RWDD1: variants seen among roughly 807,000 people sequenced by gnomAD.
RWDD1 encodes RWD domain containing 1, also known as RWD domain-containing protein 1.
A neutral mutation model predicts 31.6 loss-of-function variants in RWDD1; 17 were observed. That is an observed-to-expected ratio of 0.54 (90% CI 0.37 to 0.81). The LOEUF (loss-of-function observed/expected upper bound fraction) is 0.81. Among genes scored for constraint, RWDD1 ranks in the 30% least tolerant of loss-of-function variants. RWDD1 has a pLI of 0.00. For synonymous variants in RWDD1, 78 were observed against 94.2 expected, an observed-to-expected ratio of 0.83 and a Z score of 0.99; for missense variants, 204 against 274.5, an observed-to-expected ratio of 0.74 and a Z score of 1.82.
At chr6:116,573,019 T>A in intron 1 of RWDD1, 1 of 983,952 alleles carries the variant, frequency 1.0e-6, no homozygotes, top group Non-Finnish European at 1.2e-6. Context: ...CCCTTCTCTA[T>A]CCTTGCTTAT....
chr6:116,575,272 G>T (rs1774818486), intron 1 of RWDD1, among the ~76,000 whole-genome samples: 1 of 151,982 alleles, frequency 6.6e-6, no homozygotes, highest in African/African-American at 2.4e-5. Context: ...TTTTGGTAGA[G>T]ACTGGGGTCT....
At chr6:116,581,266 T>C (rs1407548178) in intron 2 of RWDD1, among the ~76,000 whole-genome samples, 2 of 152,150 alleles carry the variant, frequency 1.3e-5, no homozygotes, top group Non-Finnish European at 2.9e-5. Context: ...CTTCAAACCA[T>C]TTAAAATTTT....
At chr6:116,573,792 C>T (rs1774789442) in intron 1 of RWDD1, among the ~76,000 whole-genome samples, 1 of 151,466 alleles carries the variant, frequency 6.6e-6, no homozygotes, top group Non-Finnish European at 1.5e-5. Flanking sequence ...TTGGTTAATG[C>T]TCAATACTAT....
rs766365522 is a variant in RWDD1 at position 116,596,675 on chromosome 6, A to T, written c.*3574A>T. 3.3e-5 allele frequency: 5 copies of T among 152,318 alleles called. No individual in the cohort carries two copies. The highest frequency in any genetic ancestry group is 2.1e-4 in the South Asian group (1 of 4,824). The allele number at this position is 152,318 out of a possible 1,614,324, so 9.4% of individuals were successfully genotyped here. A position where few individuals can be genotyped will look rare whatever the true frequency, so the allele number is the denominator to read the frequency against. On this transcript the variant is annotated 3_prime_UTR_variant, in exon 7 of 7. Coordinates refer to ENST00000466444, the MANE Select transcript of RWDD1 (RefSeq NM_015952.4). ...ACCATGGACAGCACAGTAAAAAAAT[A>T]CACAAATTTCTTTTGCAGTTATTGA... is the stretch of plus-strand genomic sequence containing the variant.
At chr6:116,581,706 T>A (rs77725189) in intron 2 of RWDD1, among the ~76,000 whole-genome samples, 2 of 152,014 alleles carry the variant, frequency 1.3e-5, no homozygotes, top group Admixed American at 1.3e-4. Context: ...CAGCAAATTA[T>A]TAGTATTGGA....
intron 4 of RWDD1, 37 bp downstream of exon 4, chr6:116,589,022 T>G: frequency 8.1e-7 from 1 of 1,227,152 alleles, no homozygotes; most frequent in Admixed American, 4.1e-5. Flanking sequence ...TATTATTTCT[T>G]AAATCAGTTT....
rs1434901151 is a variant in RWDD1, at chr6:116,597,647, G to C, written c.*4546G>C. ...AGTTTAAATTTTTTTAAAAAAACAG[G>C]TAAAAATAAAATATTTGCCAAAGAC... On this transcript the variant is annotated 3_prime_UTR_variant, in exon 7 of 7. Coordinates refer to ENST00000466444, the MANE Select transcript of RWDD1 (RefSeq NM_015952.4). 2.0e-5 allele frequency: 3 copies of C among 151,806 alleles called. No homozygotes were observed. The highest frequency in any genetic ancestry group is 2.9e-5 in the Non-Finnish European group (2 of 67,912). The allele number at this position is 151,806 out of a possible 1,614,324, so 9.4% of individuals were successfully genotyped here.
chr6:116,581,359 A>G (rs1241716779), intron 2 of RWDD1, among the ~76,000 whole-genome samples: 1 of 152,076 alleles, frequency 6.6e-6, no homozygotes, highest in Non-Finnish European at 1.5e-5. Context: ...ATGCTCATTG[A>G]TAAATAATCC....
intron 5 of RWDD1, 22 bp from the exon 6 acceptor site, chr6:116,590,859 AATTAAAC>A: frequency 6.4e-7 from 1 of 1,558,516 alleles, no homozygotes. Context: ...ATGCCATTTG[AATTAAAC>A]ATACTTTTTT....
chr6:116,573,817 G>T (rs896775839), intron 1 of RWDD1, among the ~76,000 whole-genome samples: 2 of 148,536 alleles, frequency 1.3e-5, no homozygotes, highest in African/African-American at 4.9e-5. Flanking sequence ...GAAGGAAATA[G>T]ATATACTTTT....
At chr6:116,574,094 G>A in intron 1 of RWDD1, 1 of 505,800 alleles carries the variant, frequency 2.0e-6, no homozygotes, top group Non-Finnish European at 2.6e-6. Flanking sequence ...CTAACAACTA[G>A]TCTTCCAAAA....
At chr6:116,590,463 G>A (rs887045616) in intron 5 of RWDD1, 59 bp downstream of exon 5, 7 of 1,488,796 alleles carry the variant, frequency 4.7e-6, no homozygotes, top group African/African-American at 2.9e-5. Context: ...TTTTTATATA[G>A]CAAGAGGATC....
chr6:116,593,163 G>T lies in RWDD1; in HGVS notation c.*62G>T. 6.9e-7 allele frequency: 1 copy of T among 1,448,364 alleles called. No homozygotes were observed. The highest frequency in any genetic ancestry group is 9.2e-7 in the Non-Finnish European group (1 of 1,088,266). 89.7% of individuals were successfully genotyped at this position (1,448,364 alleles called of 1,614,324 possible). ...CAGCATCTGTGGCTATGCTCAGAGGGTTATGATTTTCCTTTCTTTTTTTCT... is the reference window on the plus strand; with the variant it reads ...CAGCATCTGTGGCTATGCTCAGAGGTTTATGATTTTCCTTTCTTTTTTTCT... On this transcript the variant is annotated 3_prime_UTR_variant, in exon 7 of 7. Coordinates refer to ENST00000466444, the MANE Select transcript of RWDD1 (RefSeq NM_015952.4).
chr6:116,574,408 C>T (rs966704658), intron 1 of RWDD1, among the ~76,000 whole-genome samples: 6 of 152,188 alleles, frequency 3.9e-5, no homozygotes, highest in African/African-American at 1.4e-4. Flanking sequence ...CCTGTAAAAG[C>T]AGTTTGTTCT....
At chr6:116,588,733 T>G in intron 3 of RWDD1, 109 bp from the exon 4 acceptor site, 1 of 571,302 alleles carries the variant, frequency 1.8e-6, no homozygotes, top group Admixed American at 4.1e-5. Context: ...TAAATGATCT[T>G]TTATTGAACT....
chr6:116,580,729 T>C (rs1774933890), intron 2 of RWDD1, among the ~76,000 whole-genome samples: 1 of 152,146 alleles, frequency 6.6e-6, no homozygotes, highest in Admixed American at 6.5e-5. Context: ...CATGGCTGTT[T>C]TTCTCTTTGA....
intron 2 of RWDD1, among the ~76,000 whole-genome samples, chr6:116,581,188 T>C (rs1774941724): frequency 6.6e-6 from 1 of 152,114 alleles, no homozygotes; most frequent in South Asian, 2.1e-4. Context: ...AATATACTTT[T>C]GCAGATTGGT....
chr6:116,591,068 C>T (rs919983307), intron 6 of RWDD1, 118 bp downstream of exon 6: 2 of 1,352,216 alleles, frequency 1.5e-6, no homozygotes, highest in South Asian at 4.2e-5. Flanking sequence ...TGAGACCAGA[C>T]TGGGCAACAT....
intron 1 of RWDD1, chr6:116,574,306 A>G (rs1774795913): frequency 6.6e-6 from 1 of 152,246 alleles, no homozygotes; most frequent in South Asian, 2.1e-4. Flanking sequence ...AAAGAGGAGT[A>G]CATAATCCTG....
Sources: allele counts gnomAD v4.1 joint callset (sites outside exome capture counted in the v4.1 genomes callset), GRCh38; gene constraint gnomAD v4.1.1; transcripts MANE v1.5; gene names NCBI Gene and HGNC (gene_info 2026-07-23, HGNC 2026-07-21).